GPC6: variants seen among roughly 807,000 people sequenced by gnomAD.
The protein encoded by GPC6 is glypican 6.
Under a neutral mutation model 55.2 loss-of-function variants are expected in GPC6, and 14 were observed. The ratio of observed to expected loss-of-function variants is 0.25; its 90% confidence interval spans 0.17 to 0.40. The LOEUF is 0.40. Ranked by LOEUF, GPC6 falls within the 10% of genes least tolerant of loss-of-function variation. GPC6 has a pLI of 1.00. For missense variants in GPC6, 641 were observed against 708.5 expected, an observed-to-expected ratio of 0.90 and a Z score of 1.08; for synonymous variants, 278 against 259.6, an observed-to-expected ratio of 1.07 and a Z score of -0.68.
chr13:94,303,042 G>A (rs545025367), intron 5 of GPC6, among the ~76,000 whole-genome samples: 20 of 152,250 alleles, frequency 1.3e-4, no homozygotes, highest in Non-Finnish European at 2.2e-4. Context: ...CGCGGGATCC[G>A]GAGGGGTGGG....
At chr13:93,338,195 G>C (rs1026138747) in intron 1 of GPC6, among the ~76,000 whole-genome samples, 3 of 152,048 alleles carry the variant, frequency 2.0e-5, no homozygotes. Flanking sequence ...CATTATCCCC[G>C]GTGAGTTGAA....
intron 3 of GPC6, among the ~76,000 whole-genome samples, chr13:93,886,842 C>A (rs1474624228): frequency 6.7e-6 from 1 of 148,562 alleles, no homozygotes; most frequent in African/African-American, 2.5e-5. Context: ...TCTCAAACTT[C>A]AATTTTAGTC....
At chr13:93,741,949 C>T (rs531568699) in intron 2 of GPC6, among the ~76,000 whole-genome samples, 4 of 152,152 alleles carry the variant, frequency 2.6e-5, no homozygotes, top group South Asian at 4.1e-4. Flanking sequence ...ATTTTTATTC[C>T]AGTAAGAACA....
chr13:94,032,646 G>T (rs887265970), intron 4 of GPC6, among the ~76,000 whole-genome samples: 28 of 152,242 alleles, frequency 1.8e-4, no homozygotes, highest in Non-Finnish European at 3.5e-4. Context: ...TTTTTCATCA[G>T]CAAAAAGTTG....
chr13:93,910,652 T>C (rs896293927), intron 3 of GPC6, among the ~76,000 whole-genome samples: 3 of 151,960 alleles, frequency 2.0e-5, no homozygotes, highest in Admixed American at 1.3e-4. Context: ...AACAGCTCAG[T>C]CAATGGAAGA....
At chr13:93,532,488 A>C (rs1566408133) in intron 1 of GPC6, among the ~76,000 whole-genome samples, 1 of 152,168 alleles carries the variant, frequency 6.6e-6, no homozygotes, top group Non-Finnish European at 1.5e-5. Flanking sequence ...TTTACAAATA[A>C]CCAAGTAATT....
At chr13:94,176,343 T>A (rs148485819) in intron 4 of GPC6, among the ~76,000 whole-genome samples, 3 of 152,132 alleles carry the variant, frequency 2.0e-5, no homozygotes, top group African/African-American at 7.2e-5. Flanking sequence ...GGTGATCTTT[T>A]ATACCTCTAA....
At chr13:93,829,949 G>A (rs761336064) in intron 2 of GPC6, among the ~76,000 whole-genome samples, 1 of 152,112 alleles carries the variant, frequency 6.6e-6, no homozygotes. Flanking sequence ...GAAATCATGG[G>A]GTATTCTGTT....
chr13:93,299,619 A>G (rs1335493550), intron 1 of GPC6, among the ~76,000 whole-genome samples: 1 of 152,232 alleles, frequency 6.6e-6, no homozygotes, highest in Non-Finnish European at 1.5e-5. Flanking sequence ...AGCCATTAGC[A>G]CAGAGCCTGG....
chr13:93,515,922 G>T (rs988104115), intron 1 of GPC6, among the ~76,000 whole-genome samples: 3 of 152,052 alleles, frequency 2.0e-5, no homozygotes, highest in Admixed American at 6.6e-5. Context: ...AGAAAGCCAA[G>T]GAAAATAGTA....
chr13:94,389,695 G>T (rs1199426234), intron 7 of GPC6, among the ~76,000 whole-genome samples: 1 of 152,160 alleles, frequency 6.6e-6, no homozygotes. Context: ...ATGAAAGCCA[G>T]TCTGAGAGCC....
At chr13:93,409,957 C>G (rs17267690) in intron 1 of GPC6, among the ~76,000 whole-genome samples, 7,841 of 152,248 alleles carry the variant, frequency 0.052, 292 homozygotes, top group Non-Finnish European at 0.078. Flanking sequence ...ATCACCAATT[C>G]CTTTTTGATT....
intron 2 of GPC6, among the ~76,000 whole-genome samples, chr13:93,806,883 G>T (rs188278221): frequency 4.6e-5 from 7 of 152,188 alleles, no homozygotes; most frequent in Admixed American, 2.0e-4. Flanking sequence ...TGTATTCTCA[G>T]TATAAAATAA....
chr13:93,839,742 T>C (rs548239712), intron 3 of GPC6, among the ~76,000 whole-genome samples: 1 of 152,288 alleles, frequency 6.6e-6, no homozygotes, highest in South Asian at 2.1e-4. Flanking sequence ...CCTGGTGCAA[T>C]ATCAGCGCAC....
At position 93,955,243 on chromosome 13, in the gene GPC6, GCACACACACACACA is replaced by G. The variant is rs10524254; in HGVS notation, c.712-72454_712-72441del. ...TTGGACATAACTCTTGAATGAACAT[GCACACACACACACA>G]CACACACACACACACACACACACAC... On this transcript the variant is annotated intron_variant, in intron 3 of 8. Transcript: ENST00000377047. Among the ~76,000 whole-genome samples, 963 of 136,266 alleles carry G rather than the reference GCACACACACACACA, an allele frequency of 7.1e-3. 13 individuals are homozygous for G. Among genetic ancestry groups the G allele is most frequent in the African/African-American group, 0.024 (912 of 37,612 alleles). 89.4% of individuals were successfully genotyped at this position (136,266 alleles called of 152,430 possible).
intron 2 of GPC6, among the ~76,000 whole-genome samples, chr13:93,825,860 C>CTTTTTTT (rs1029574657): frequency 7.2e-5 from 9 of 124,178 alleles, no homozygotes; most frequent in South Asian, 2.7e-4. Context: ...TTATTATTTT[C>CTTTTTTT]TTTTTTTTTT....
At chr13:93,510,260 G>T (rs1247180762) in intron 1 of GPC6, among the ~76,000 whole-genome samples, 1 of 151,950 alleles carries the variant, frequency 6.6e-6, no homozygotes, top group Non-Finnish European at 1.5e-5. Context: ...CATTGAATTT[G>T]TTCCTTCTAA....
chr13:93,553,842 G>C (rs927074975), intron 2 of GPC6, among the ~76,000 whole-genome samples: 2 of 151,446 alleles, frequency 1.3e-5, no homozygotes, highest in Admixed American at 1.3e-4. Context: ...GATTAAAAGA[G>C]AGAGAGAAAG....
chr13:93,894,141 G>T (rs892727980), intron 3 of GPC6, among the ~76,000 whole-genome samples: 7 of 152,128 alleles, frequency 4.6e-5, no homozygotes, highest in African/African-American at 1.7e-4. Flanking sequence ...AATTATTGCT[G>T]CATATGTTTT....
Sources: gnomAD v4.1 joint callset for allele counts (sites outside exome capture counted in the v4.1 genomes callset) on GRCh38, gnomAD v4.1.1 for gene constraint, MANE v1.5 for transcripts, NCBI Gene and HGNC (gene_info 2026-07-23, HGNC 2026-07-21) for gene names.